The following NCF2 variants were observed in gnomAD, a reference collection of about 807,000 sequenced individuals.
The protein encoded by NCF2 is neutrophil cytosolic factor 2, also known as neutrophil cytosol factor 2.
A neutral mutation model predicts 70.9 loss-of-function variants in NCF2; 45 were observed. That is an observed-to-expected ratio of 0.63 (90% CI 0.50 to 0.81). The LOEUF is 0.81. Ranked by LOEUF, NCF2 falls within the 40% of genes least tolerant of loss-of-function variation. The pLI, the probability that NCF2 is intolerant of heterozygous loss-of-function variation, is 0.00. For synonymous variants in NCF2, 203 were observed against 233.6 expected (o/e 0.87, Z 1.19); for missense variants, 522 against 631.6 (o/e 0.83, Z 1.86).
upstream of NCF2, among the ~76,000 whole-genome samples, chr1:183,592,595 T>A (rs905599986): frequency 1.3e-5 from 2 of 152,218 alleles, no homozygotes; most frequent in African/African-American, 4.8e-5. Flanking sequence ...CATTGGTAAA[T>A]GACCTGCAGG....
At chr1:183,589,421 AC>A (rs1673534756) in intron 1 of NCF2, among the ~76,000 whole-genome samples, 1 of 152,228 alleles carries the variant, frequency 6.6e-6, no homozygotes, top group Non-Finnish European at 1.5e-5. Flanking sequence ...CCAGAGAGAG[AC>A]AGAGGCTAGG....
rs772695675 is a variant in NCF2, at chr1:183,567,018, G to GA, written c.856-31dup. The GA allele has an allele frequency of 1.7e-5, 28 of 1,613,760 alleles. No homozygotes were observed. The African/African-American group carries it at 3.1e-4, about 18-fold the overall frequency. On this transcript the variant is annotated intron_variant, in intron 8 of 14. Transcript: ENST00000367535. ...AGTGCAGCACCACAGAATCAGAAAG[G>GA]AAAAAATAAAGATGTGCTCATCAGT...
At position 183,566,947 on chromosome 1, in the gene NCF2, C is replaced by T; in HGVS notation, c.897G>A (p.Leu299=). 3 of 1,614,174 alleles carry T rather than the reference C, an allele frequency of 1.9e-6. No individual in the cohort carries two copies. The highest frequency in any genetic ancestry group is 2.5e-6 in the Non-Finnish European group (3 of 1,180,044). ...GGGGCTGCTGCTGAGGGTGGATCCG[C>T]AGCTCAACTGGTTCAAGGTAGTTGC... is the stretch of plus-strand genomic sequence containing the variant. ...VPCNYLEPVE[L]RIHPQQQPQE... Residue 299 remains leucine (L), a synonymous_variant, in exon 9 of 15, where the codon CTG becomes CTA. Coordinates refer to ENST00000367535, the MANE Select transcript of NCF2 (RefSeq NM_000433.4).
intron 2 of NCF2, 42 bp downstream of exon 2, chr1:183,586,853 C>A (rs72550880): frequency 6.3e-7 from 1 of 1,582,630 alleles, no homozygotes; most frequent in African/African-American, 1.3e-5. Context: ...CCTTGGGTTT[C>A]TCTCTGAAAT....
Position 183,577,585 on chromosome 1 carries a change from C to A in NCF2, c.366+14G>T. On this transcript the variant is annotated intron_variant, in intron 3 of 14. Coordinates refer to ENST00000367535, the MANE Select transcript of NCF2 (RefSeq NM_000433.4). ...TGATCCCCTCCTGCCCAGGCCAGGC[C>A]CTGTTCTCCTTACCTCACAGGCAAA... 6.3e-7 allele frequency: 1 copy of A among 1,579,360 alleles called. No homozygotes were observed. The highest frequency in any genetic ancestry group is 1.1e-5 in the South Asian group (1 of 90,354).
upstream of NCF2, among the ~76,000 whole-genome samples, chr1:183,592,222 G>A (rs117693062): frequency 1.4e-4 from 21 of 152,330 alleles, no homozygotes; most frequent in East Asian, 3.5e-3. Context: ...CACAGTGCTT[G>A]TAGGATTGAA....
intron 2 of NCF2, among the ~76,000 whole-genome samples, chr1:183,580,806 G>A (rs571671633): frequency 2.0e-5 from 3 of 152,026 alleles, no homozygotes; most frequent in South Asian, 2.1e-4. Context: ...GTGAAACCCC[G>A]TCTCTACTAA....
chr1:183,564,127 GC>G (rs1333935462), intron 10 of NCF2, 97 bp from the exon 11 acceptor site: 5 of 1,189,792 alleles, frequency 4.2e-6, no homozygotes, highest in East Asian at 4.7e-5. Flanking sequence ...TTCAAATAGG[GC>G]CCCCAACCTC....
intron 2 of NCF2, among the ~76,000 whole-genome samples, chr1:183,582,283 C>A (rs947671384): frequency 4.6e-5 from 7 of 152,228 alleles, no homozygotes; most frequent in African/African-American, 1.7e-4. Context: ...AGCCAAGGTG[C>A]TGGCAGCTTC....
intron 1 of NCF2, 124 bp from the exon 2 acceptor site, chr1:183,587,101 C>T: frequency 1.1e-6 from 1 of 880,382 alleles, no homozygotes; most frequent in Non-Finnish European, 1.9e-6. Flanking sequence ...CTCGTCGGCA[C>T]CTCGAGGCCC....
In NCF2 at chr1:183,573,210, T is replaced by G; in HGVS notation, c.584A>C (p.Lys195Thr). 6.2e-7 allele frequency: 1 copy of G among 1,614,162 alleles called. No homozygotes were observed. Among genetic ancestry groups the G allele is most frequent in the African/African-American group, 1.3e-5 (1 of 75,058 alleles). ...CGTCGCCTTGCCTAGGTAATCCTTC[T>G]TGGCCAGCTGAGCCACTTGTCTCTC... Reference protein sequence around the residue: ...PNERQVAQLAKKDYLGKATVV... With the variant: ...PNERQVAQLATKDYLGKATVV... Residue 195 changes from lysine (K) to threonine (T), a missense_variant, in exon 5 of 15, where the codon AAG becomes ACG. Transcript: ENST00000367535.
intron 7 of NCF2, among the ~76,000 whole-genome samples, chr1:183,568,015 C>T (rs1672387878): frequency 1.3e-5 from 2 of 152,120 alleles, no homozygotes; most frequent in African/African-American, 4.8e-5. Flanking sequence ...CCTCCCTTTA[C>T]TCCCCACTCT....
At chr1:183,599,426 C>CTTTCTTTCTTTCT in the NCF2 span, among the ~76,000 whole-genome samples, 1 of 75,482 alleles carries the variant, frequency 1.3e-5, no homozygotes, top group African/African-American at 4.8e-5. Flanking sequence ...TTCTTTCCTT[C>CTTTCTTTCTTTCT]TTTCTTTCTT....
At chr1:183,573,378 A>T in intron 4 of NCF2, 86 bp from the exon 5 acceptor site, 1 of 1,202,418 alleles carries the variant, frequency 8.3e-7, no homozygotes, top group Non-Finnish European at 1.2e-6. Context: ...TAGATGCAAG[A>T]ATTCATTGAG....
rs57218247 is a variant in NCF2 at position 183,561,779 on chromosome 1, C to CTTTTTTTTT, written c.1290+1407_1290+1415dup. ...TTCAGGCATAAACCATACCAGGCCTCTTTTTTTTTTTTTTTTTTTTTTTTT... is the reference window on the plus strand; with the variant it reads ...TTCAGGCATAAACCATACCAGGCCTCTTTTTTTTTTTTTTTTTTTTTTTTTTTTTTTTTT... On this transcript the variant is annotated intron_variant, in intron 13 of 14. Coordinates refer to ENST00000367535, the MANE Select transcript of NCF2 (RefSeq NM_000433.4). 6.1e-4 allele frequency among the ~76,000 whole-genome samples: 40 copies of CTTTTTTTTT among 65,160 alleles called. 1 individual carries two copies. The highest frequency in any genetic ancestry group is 9.0e-4 in the Non-Finnish European group (34 of 37,588). The allele number at this position is 65,160 out of a possible 152,430, so 42.7% of individuals were successfully genotyped here.
chr1:183,601,361 A>G, the NCF2 span, among the ~76,000 whole-genome samples: 2 of 152,240 alleles, frequency 1.3e-5, no homozygotes, highest in Non-Finnish European at 2.9e-5. Context: ...CCAATTGTAT[A>G]CTATCATCAT....
chr1:183,562,549 TTCAC>T (rs1001633975), intron 13 of NCF2, among the ~76,000 whole-genome samples: 15 of 152,262 alleles, frequency 9.9e-5, no homozygotes, highest in African/African-American at 2.6e-4. Flanking sequence ...CTCATTCTCT[TTCAC>T]TCTTCTTCTC....
Position 183,563,590 on chromosome 1 carries a change from G to C in NCF2, c.1027-5C>G. ...GGGAACACTGAGCTTCACTTCCTGAGTGGGGAGGAAACAAAGGGAACTCCT... is the reference window on the plus strand; with the variant it reads ...GGGAACACTGAGCTTCACTTCCTGACTGGGGAGGAAACAAAGGGAACTCCT... On this transcript the variant is annotated splice_region_variant and splice_polypyrimidine_tract_variant and intron_variant, in intron 11 of 14. Transcript: ENST00000367535. 6.2e-7 allele frequency: 1 copy of C among 1,613,156 alleles called. No individual in the cohort carries two copies. Among genetic ancestry groups the C allele is most frequent in the African/African-American group, 1.3e-5 (1 of 75,030 alleles).
rs186857454 is a variant in NCF2, at chr1:183,559,264, G to A, written c.1468+832C>T. Among the ~76,000 whole-genome samples the A allele has an allele frequency of 3.9e-4, 59 of 152,316 alleles. 1 individual carries two copies. Among genetic ancestry groups the A allele is most frequent in the African/African-American group, 1.4e-3 (59 of 41,588 alleles). On this transcript the variant is annotated intron_variant, in intron 14 of 14. Transcript: ENST00000367535. Reference sequence around the variant, plus strand: ...AACAGCCTTGAACTCCTGGCCTCAAGTGATCCTCCTACCTCAGCCTCCCTA... The same window carrying A: ...AACAGCCTTGAACTCCTGGCCTCAAATGATCCTCCTACCTCAGCCTCCCTA...
Sources: allele counts gnomAD v4.1 joint callset (sites outside exome capture counted in the v4.1 genomes callset), GRCh38; gene constraint gnomAD v4.1.1; transcripts MANE v1.5; gene names NCBI Gene and HGNC (gene_info 2026-07-23, HGNC 2026-07-21).